SLC12A1: variants seen among roughly 807,000 people sequenced by gnomAD.
SLC12A1 encodes solute carrier family 12 member 1.
Under a neutral mutation model 130.4 loss-of-function variants are expected in SLC12A1, and 89 were observed. The ratio of observed to expected loss-of-function variants is 0.68; its 90% CI spans 0.58 to 0.81. SLC12A1 has a LOEUF of 0.81. Ranked by LOEUF, SLC12A1 falls within the 40% of genes least tolerant of loss-of-function variation. SLC12A1 has a pLI of 0.00. For missense variants in SLC12A1, 1,310 were observed against 1,336.4 expected, an observed-to-expected ratio of 0.98 and a Z score of 0.31; for synonymous variants, 499 against 460.0, an observed-to-expected ratio of 1.08 and a Z score of -1.09.
intron 25 of SLC12A1, among the ~76,000 whole-genome samples, chr15:48,301,050 T>C (rs2042226740): frequency 6.6e-6 from 1 of 152,194 alleles, no homozygotes; most frequent in African/African-American, 2.4e-5. Context: ...TTTAGTGTTA[T>C]CTATGTTGTT....
Position 48,226,583 on chromosome 15 carries a change from A to C in SLC12A1, c.724+12A>C, listed in dbSNP as rs1312107204. ...GTTTGTTCGTGGAGGTAAAATCTCT[A>C]AGATATCTAATGCCCTCATCACTTG... is the stretch of plus-strand genomic sequence containing the variant. On this transcript the variant is annotated intron_variant, in intron 5 of 26. Coordinates refer to ENST00000380993, the MANE Select transcript of SLC12A1 (RefSeq NM_000338.3). 2.0e-6 allele frequency: 3 copies of C among 1,530,134 alleles called. No individual in the cohort carries two copies. Among genetic ancestry groups the C allele is most frequent in the Non-Finnish European group, 2.7e-6 (3 of 1,105,366 alleles). The allele number at this position is 1,530,134 out of a possible 1,614,324, so 94.8% of individuals were successfully genotyped here.
At chr15:48,271,890 T>G (rs1012805857) in intron 19 of SLC12A1, among the ~76,000 whole-genome samples, 1 of 152,188 alleles carries the variant, frequency 6.6e-6, no homozygotes. Flanking sequence ...ACCCAGATTC[T>G]TCAGTAAAAT....
At chr15:48,255,309 G>T (rs945280647) in intron 15 of SLC12A1, among the ~76,000 whole-genome samples, 1 of 151,948 alleles carries the variant, frequency 6.6e-6, no homozygotes. Flanking sequence ...ATGTTGGCGG[G>T]TGCCTGTAGT....
intron 15 of SLC12A1, among the ~76,000 whole-genome samples, chr15:48,252,693 G>T (rs2041661529): frequency 6.6e-6 from 1 of 151,220 alleles, no homozygotes; most frequent in Non-Finnish European, 1.5e-5. Flanking sequence ...AAATAAATGA[G>T]GGGTTTTTTA....
At chr15:48,261,641 AG>A (rs34841912) in intron 17 of SLC12A1, among the ~76,000 whole-genome samples, 36 of 152,356 alleles carry the variant, frequency 2.4e-4, no homozygotes, top group African/African-American at 7.9e-4. Context: ...AACAGATGGA[AG>A]GGGATATAGG....
In SLC12A1 at chr15:48,303,550, T is replaced by C. The variant is rs964083069; in HGVS notation, c.*665T>C. 6.6e-5 allele frequency: 10 copies of C among 152,200 alleles called. No homozygotes were observed. Among genetic ancestry groups the C allele is most frequent in the African/African-American group, 2.4e-4 (10 of 41,456 alleles). 9.4% of individuals were successfully genotyped at this position (152,200 alleles called of 1,614,324 possible). On this transcript the variant is annotated 3_prime_UTR_variant, in exon 27 of 27. Transcript: ENST00000380993. ...AATCATTGATAACATATGGCTTAAA[T>C]TTGCTGCTGCCTGAAAAGTATATTA...
At chr15:48,227,837 C>T (rs937130910) in intron 5 of SLC12A1, 1 of 152,500 alleles carries the variant, frequency 6.6e-6, no homozygotes, top group Admixed American at 6.5e-5. Flanking sequence ...AACATCCTGC[C>T]CACAACACAC....
chr15:48,294,392 A>G (rs1357323342), intron 24 of SLC12A1, among the ~76,000 whole-genome samples: 1 of 151,994 alleles, frequency 6.6e-6, no homozygotes, highest in Non-Finnish European at 1.5e-5. Flanking sequence ...AAAATACATT[A>G]ACTGTGATCA....
chr15:48,208,904 T>A (rs1006556445), intron 2 of SLC12A1, among the ~76,000 whole-genome samples: 2 of 152,220 alleles, frequency 1.3e-5, no homozygotes, highest in African/African-American at 4.8e-5. Context: ...TTCAGCATTT[T>A]ATCCCTTCCT....
intron 17 of SLC12A1, among the ~76,000 whole-genome samples, chr15:48,262,027 T>C (rs1314581586): frequency 6.6e-6 from 1 of 152,298 alleles, no homozygotes; most frequent in East Asian, 1.9e-4. Context: ...TTCATTGTTA[T>C]TGTGATATTG....
intron 9 of SLC12A1, 75 bp from the exon 10 acceptor site, chr15:48,241,432 CTGAAAATA>C (rs2041514368): frequency 6.8e-6 from 8 of 1,171,790 alleles, no homozygotes; most frequent in Non-Finnish European, 1.0e-5. Context: ...GCCTAAAAAT[CTGAAAATA>C]TGAAAATAAC....
chr15:48,258,415 G>GT (rs2041734014), intron 16 of SLC12A1, among the ~76,000 whole-genome samples: 1 of 149,412 alleles, frequency 6.7e-6, no homozygotes, highest in Non-Finnish European at 1.5e-5. Context: ...TTCCCAAGGA[G>GT]TTCTTCATCT....
Position 48,303,415 on chromosome 15 carries a change from A to G in SLC12A1, c.*530A>G, listed in dbSNP as rs991835460. 3.3e-5 allele frequency: 5 copies of G among 152,214 alleles called. No individual in the cohort carries two copies. The highest frequency in any genetic ancestry group is 1.2e-4 in the African/African-American group (5 of 41,438). The allele number at this position is 152,214 out of a possible 1,614,324, so 9.4% of individuals were successfully genotyped here. A position where few individuals can be genotyped will look rare whatever the true frequency, so the allele number is the denominator to read the frequency against. ...CTTATACCTCCAAAGCAGATTTAAA[A>G]ATCAGTAACTCAAAACTTTAAGAAG... is the stretch of plus-strand genomic sequence containing the variant. On this transcript the variant is annotated 3_prime_UTR_variant, in exon 27 of 27. Transcript: ENST00000380993.
At chr15:48,218,285 G>A (rs2041151485) in intron 2 of SLC12A1, among the ~76,000 whole-genome samples, 1 of 152,158 alleles carries the variant, frequency 6.6e-6, no homozygotes. Context: ...GCTTATCCAA[G>A]TGTCACAATA....
At position 48,259,311 on chromosome 15, in the gene SLC12A1, G is replaced by C. The variant is rs779250922; in HGVS notation, c.2154G>C (p.Val718=). The C allele has an allele frequency of 2.5e-6, 4 of 1,596,602 alleles. No individual in the cohort carries two copies. Among genetic ancestry groups the C allele is most frequent in the Non-Finnish European group, 2.6e-6 (3 of 1,164,142 alleles). ...TTTGCATCTGCTGTGAAGTCTTTGT[G>C]GTAAGAGCCACTTCACCCCAGGGAA... ...SGLCICCEVF[V]GPRKLCVKEM... Residue 718 remains valine (V), a splice_region_variant and synonymous_variant, in exon 17 of 27, where the codon GTG becomes GTC. Transcript: ENST00000380993.
At position 48,208,082 on chromosome 15, in the gene SLC12A1, C is replaced by T. The variant is rs770176827; in HGVS notation, c.363C>T (p.Ile121=). The T allele has an allele frequency of 2.5e-6, 4 of 1,612,804 alleles. No homozygotes were observed. The highest frequency in any genetic ancestry group is 1.7e-4 in the Middle Eastern group (1 of 6,056). Residue 121 remains isoleucine, a synonymous_variant, in exon 2 of 27, where the codon ATC becomes ATT. Coordinates refer to ENST00000380993, the MANE Select transcript of SLC12A1 (RefSeq NM_000338.3). ...KIEYYRNTGS[I]SGPKVNRPSL... ...AGTACTATCGTAACACCGGCAGCATCAGTGGGCCCAAGGTCAACCGACCCA... is the reference window on the plus strand; with the variant it reads ...AGTACTATCGTAACACCGGCAGCATTAGTGGGCCCAAGGTCAACCGACCCA...
rs368183043 is a variant in SLC12A1, at chr15:48,302,493, G to A, written c.3165-257G>A. 3.3e-5 allele frequency among the ~76,000 whole-genome samples: 5 copies of A among 150,502 alleles called. No individual in the cohort carries two copies. In the East Asian group the frequency reaches 5.8e-4, roughly 18 times the overall value. On this transcript the variant is annotated intron_variant, in intron 26 of 26. Transcript: ENST00000380993. The stretch of plus-strand genomic sequence containing the variant: ...AAATTAGCCGGGCGCGGTGGCGGGC[G>A]CCTGTAGTCCCAGCTACTCGGGAGG...
intron 20 of SLC12A1, among the ~76,000 whole-genome samples, chr15:48,280,541 C>CTCTA (rs1372023996): frequency 1.3e-4 from 20 of 152,240 alleles, no homozygotes; most frequent in African/African-American, 4.6e-4. Flanking sequence ...ATATCTCGAT[C>CTCTA]TCTATCTATC....
At position 48,291,793 on chromosome 15, in the gene SLC12A1, G is replaced by A; in HGVS notation, c.2889G>A (p.Leu963=). 1 of 1,561,124 alleles carries A rather than the reference G, an allele frequency of 6.4e-7. No homozygotes were observed. Among genetic ancestry groups the A allele is most frequent in the Non-Finnish European group, 8.7e-7 (1 of 1,150,662 alleles). ...ATATTTTCAGAATGGCTTCCCTTCT[G>A]AGCAAATTTAGGATAAAATTTGCAG... ...EEEKIVMASL[L]SKFRIKFADI... The change falls in exon 24 of 27, where the codon CTG becomes CTA. Residue 963 remains leucine (L), a synonymous_variant. Transcript: ENST00000380993.
Sources: gnomAD v4.1 joint callset for allele counts (sites outside exome capture counted in the v4.1 genomes callset) on GRCh38, gnomAD v4.1.1 for gene constraint, MANE v1.5 for transcripts, NCBI Gene and HGNC (gene_info 2026-07-23, HGNC 2026-07-21) for gene names.